The following PRIM2 variants were observed in gnomAD, a reference collection of about 807,000 sequenced individuals.
PRIM2 encodes DNA primase large subunit.
PRIM2 carries 39 observed loss-of-function variants against 67.3 expected under a neutral mutation model. That is an observed-to-expected ratio of 0.58 (90% CI 0.45 to 0.76). PRIM2 has a LOEUF of 0.76. PRIM2 is among the 30% of genes least tolerant of loss of function. The pLI is 0.00. For synonymous variants in PRIM2, 143 were observed against 198.7 expected, an observed-to-expected ratio of 0.72 and a Z score of 2.36; for missense variants, 398 against 598.7, an observed-to-expected ratio of 0.66 and a Z score of 3.50.
At chr6:57,618,425 A>G (rs1210679756) in intron 12 of PRIM2, among the ~76,000 whole-genome samples, 3 of 152,332 alleles carry the variant, frequency 2.0e-5, no homozygotes, top group Admixed American at 6.5e-5. Flanking sequence ...GATTGACTGC[A>G]AGAACAAACC....
intron 10 of PRIM2, among the ~76,000 whole-genome samples, chr6:57,564,874 A>G (rs1185136634): frequency 1.3e-5 from 2 of 152,256 alleles, no homozygotes; most frequent in African/African-American, 4.8e-5. Context: ...TTTCTGTTGC[A>G]CTTACTCTGC....
the PRIM2 span, among the ~76,000 whole-genome samples, chr6:57,250,418 T>C: frequency 6.6e-5 from 10 of 152,100 alleles, no homozygotes; most frequent in African/African-American, 1.2e-4. Context: ...AGGGAAAAAA[T>C]TGACTTCAAA....
chr6:57,455,399 C>T (rs1772730635), intron 7 of PRIM2, among the ~76,000 whole-genome samples: 2 of 152,222 alleles, frequency 1.3e-5, no homozygotes, highest in South Asian at 2.1e-4. Context: ...TAAAGTCTCC[C>T]ATTATTATTG....
the PRIM2 span, among the ~76,000 whole-genome samples, chr6:57,308,269 C>T: frequency 1.3e-5 from 2 of 151,940 alleles, no homozygotes; most frequent in Non-Finnish European, 1.5e-5. Context: ...ACTACAGGCT[C>T]GTGCCACCAT....
chr6:57,307,839 C>T, the PRIM2 span, among the ~76,000 whole-genome samples: 1 of 152,004 alleles, frequency 6.6e-6, no homozygotes, highest in African/African-American at 2.4e-5. Flanking sequence ...TTTAATTGAC[C>T]TAACCTAACT....
At chr6:57,362,139 A>G (rs1769221224) in intron 5 of PRIM2, among the ~76,000 whole-genome samples, 1 of 152,208 alleles carries the variant, frequency 6.6e-6, no homozygotes, top group Non-Finnish European at 1.5e-5. Context: ...GCTGACTTCT[A>G]ATATTTTCAG....
At chr6:57,470,632 CGTT>C (rs1773316272) in intron 7 of PRIM2, among the ~76,000 whole-genome samples, 1 of 151,202 alleles carries the variant, frequency 6.6e-6, no homozygotes, top group Non-Finnish European at 1.5e-5. Context: ...CTTTAAATGA[CGTT>C]GAGATTTTTA....
At chr6:57,244,775 A>G in the PRIM2 span, among the ~76,000 whole-genome samples, 1 of 152,010 alleles carries the variant, frequency 6.6e-6, no homozygotes, top group African/African-American at 2.4e-5. Flanking sequence ...TTCTGTTTTC[A>G]TGCCTGTGGG....
intron 7 of PRIM2, among the ~76,000 whole-genome samples, chr6:57,504,598 T>C (rs1414776987): frequency 3.9e-5 from 6 of 152,192 alleles, no homozygotes. Context: ...AGCCCAAACT[T>C]AAACAACTCG....
the PRIM2 span, among the ~76,000 whole-genome samples, chr6:57,264,544 C>T: frequency 6.6e-6 from 1 of 151,598 alleles, no homozygotes; most frequent in East Asian, 1.9e-4. Context: ...GTTGCAACCC[C>T]TCTAATACCA....
intron 7 of PRIM2, among the ~76,000 whole-genome samples, chr6:57,444,066 G>A (rs1772286926): frequency 6.6e-6 from 1 of 152,154 alleles, no homozygotes; most frequent in East Asian, 1.9e-4. Context: ...TTTTAAATCA[G>A]TTGGCTGCAC....
chr6:57,341,931 G>A (rs1023005063), intron 5 of PRIM2, among the ~76,000 whole-genome samples: 3 of 152,202 alleles, frequency 2.0e-5, no homozygotes, highest in African/African-American at 7.2e-5. Context: ...CTTGTGTGCT[G>A]TGTTTGTGTG....
the PRIM2 span, chr6:57,221,778 GC>G: frequency 2.0e-5 from 3 of 152,252 alleles, no homozygotes; most frequent in South Asian, 6.2e-4. Context: ...ACCTTCTCTA[GC>G]TGGAACTTGG....
chr6:57,401,735 G>A (rs1202554366), intron 7 of PRIM2, among the ~76,000 whole-genome samples: 3 of 152,196 alleles, frequency 2.0e-5, no homozygotes, highest in African/African-American at 7.2e-5. Flanking sequence ...CAATCACCCA[G>A]TGCAATCAGC....
At position 57,542,939 on chromosome 6, in the gene PRIM2, A is replaced by AT. The variant is rs1193756482; in HGVS notation, c.1020+5333dup. ...GTTGGCTTAAAATACTGCTTATAGG[A>AT]TTTTTTTTTTTTTTTTTTTGAGACG... On this transcript the variant is annotated intron_variant, in intron 10 of 13. Coordinates refer to ENST00000615550, the MANE Select transcript of PRIM2 (RefSeq NM_000947.5). Among the ~76,000 whole-genome samples the AT allele has an allele frequency of 5.8e-3, 418 of 71,898 alleles. 78 individuals are homozygous for AT. Among genetic ancestry groups the AT allele is most frequent in the South Asian group, 0.013 (34 of 2,534 alleles). 47.2% of individuals were successfully genotyped at this position (71,898 alleles called of 152,430 possible).
intron 8 of PRIM2, among the ~76,000 whole-genome samples, chr6:57,516,720 A>C (rs1774495725): frequency 6.6e-6 from 1 of 151,254 alleles, no homozygotes; most frequent in Admixed American, 6.6e-5. Flanking sequence ...CACACCTTTT[A>C]GCATTCTAAG....
chr6:57,628,790 C>T (rs1776997142), intron 12 of PRIM2, among the ~76,000 whole-genome samples: 1 of 152,146 alleles, frequency 6.6e-6, no homozygotes, highest in Non-Finnish European at 1.5e-5. Context: ...CCTTCAGCTG[C>T]ATCTGTGTTG....
chr6:57,377,588 G>A (rs1388166950), intron 5 of PRIM2, among the ~76,000 whole-genome samples: 1 of 151,798 alleles, frequency 6.6e-6, no homozygotes, highest in Non-Finnish European at 1.5e-5. Flanking sequence ...GTTGAAAATG[G>A]GTTGTAGATC....
intron 12 of PRIM2, among the ~76,000 whole-genome samples, chr6:57,610,237 T>C (rs1776643222): frequency 6.6e-6 from 1 of 152,098 alleles, no homozygotes; most frequent in African/African-American, 2.4e-5. Flanking sequence ...TCCAGCTAAT[T>C]TTTGTATTTT....
Sources: allele counts gnomAD v4.1 joint callset (sites outside exome capture counted in the v4.1 genomes callset), GRCh38; gene constraint gnomAD v4.1.1; transcripts MANE v1.5; gene names NCBI Gene and HGNC (gene_info 2026-07-23, HGNC 2026-07-21).